The following ANK3 variants were observed in gnomAD, a reference collection of about 807,000 sequenced individuals.
The protein encoded by ANK3 is ankyrin-3.
In ANK3, 57 loss-of-function variants were observed where a neutral mutation model predicts 370.9. The observed-to-expected ratio is 0.15, with a 90% CI of 0.12 to 0.19. The LOEUF is 0.19. Among genes scored for constraint, ANK3 ranks in the 10% least tolerant of loss-of-function variants. The probability of loss-of-function intolerance (pLI) is 1.00; values close to 1 mark genes in which losing one functional copy is unlikely to be tolerated. For synonymous variants in ANK3, 1,929 were observed against 1,946.3 expected (o/e 0.99, Z 0.23); for missense variants, 4,439 against 5,302.1 (o/e 0.84, Z 5.06).
intron 43 of ANK3, among the ~76,000 whole-genome samples, chr10:60,034,747 T>C (rs1405614673): frequency 6.6e-6 from 1 of 152,098 alleles, no homozygotes; most frequent in Non-Finnish European, 1.5e-5. Flanking sequence ...GACAAAGAGG[T>C]CTTTACTCTA....
chr10:60,585,296 G>A (rs2133285396), intron 2 of ANK3, among the ~76,000 whole-genome samples: 2 of 152,282 alleles, frequency 1.3e-5, no homozygotes, highest in South Asian at 4.1e-4. Flanking sequence ...GTGCCTGTAA[G>A]TTTTATGTAT....
chr10:60,069,493 A>G lies in ANK3; in HGVS notation c.11388T>C (p.Thr3796=), dbSNP rs1314361754. ...FNNNNNLDSS[T]IQTDNIMSNI... Reference sequence around the variant, plus strand: ...TACTCATAATGTTATCTGTCTGTATAGTGGAAGAATCCAAATTGTTGTTGT... The same window carrying G: ...TACTCATAATGTTATCTGTCTGTATGGTGGAAGAATCCAAATTGTTGTTGT... The change falls in exon 37 of 44, where the codon ACT becomes ACC. Residue 3796 remains threonine, a synonymous_variant. Coordinates refer to ENST00000280772, the MANE Select transcript of ANK3 (RefSeq NM_020987.5). The G allele has an allele frequency of 1.2e-6, 2 of 1,613,980 alleles. No individual in the cohort carries two copies. The highest frequency in any genetic ancestry group is 1.1e-5 in the South Asian group (1 of 91,034).
chr10:60,603,689 C>G (rs1051076445), intron 2 of ANK3, among the ~76,000 whole-genome samples: 3 of 152,120 alleles, frequency 2.0e-5, no homozygotes, highest in African/African-American at 7.2e-5. Context: ...TATCCAGTGG[C>G]TATGGAATTA....
intron 1 of ANK3, among the ~76,000 whole-genome samples, chr10:60,638,257 G>C (rs2078582092): frequency 6.6e-6 from 1 of 152,164 alleles, no homozygotes; most frequent in Admixed American, 6.5e-5. Context: ...ATCAGCCAGA[G>C]TGGAGAGACT....
intron 1 of ANK3, among the ~76,000 whole-genome samples, chr10:60,284,859 T>C (rs966106162): frequency 1.3e-5 from 2 of 151,980 alleles, no homozygotes; most frequent in African/African-American, 2.4e-5. Flanking sequence ...CTCTAATCTT[T>C]CCCCATTACC....
Position 60,070,744 on chromosome 10 carries a change from C to G in ANK3, c.10137G>C (p.Gln3379His). Residue 3379 changes from glutamine to histidine, a missense_variant, in exon 37 of 44, where the codon CAG becomes CAC. This residue lies in a region of ANK3 where 1,601 missense variants were observed against 1,731.7 expected (regional missense o/e 0.92). Coordinates refer to ENST00000280772, the MANE Select transcript of ANK3 (RefSeq NM_020987.5). The surrounding 1 kb of genome is among the most constrained non-coding windows in gnomAD (Gnocchi z 5.7). ...NEFGLGLDSP[Q>H]NEIAQNGNND... ...TGTTCCCATTCTGGGCAATTTCATTCTGAGGTGAATCAAGGCCAAGGCCAA... is the reference window on the plus strand; with the variant it reads ...TGTTCCCATTCTGGGCAATTTCATTGTGAGGTGAATCAAGGCCAAGGCCAA... The G allele has an allele frequency of 1.9e-6, 3 of 1,614,176 alleles. No individual in the cohort carries two copies. Among genetic ancestry groups the G allele is most frequent in the Non-Finnish European group, 2.5e-6 (3 of 1,180,024 alleles).
chr10:60,257,354 C>T (rs2097754822), intron 7 of ANK3, among the ~76,000 whole-genome samples: 1 of 152,186 alleles, frequency 6.6e-6, no homozygotes, highest in Non-Finnish European at 1.5e-5. Context: ...CTTTCCTACA[C>T]AACTAGATCA....
intron 1 of ANK3, among the ~76,000 whole-genome samples, chr10:60,655,616 G>A (rs563852989): frequency 4.6e-5 from 7 of 151,978 alleles, no homozygotes; most frequent in South Asian, 4.1e-4. Context: ...AAAATTTACA[G>A]TAAGCTAAGG....
At position 60,186,107 on chromosome 10, in the gene ANK3, G is replaced by T. The variant is rs1388103414; in HGVS notation, c.2085+608C>A. 7.2e-5 allele frequency among the ~76,000 whole-genome samples: 11 copies of T among 152,306 alleles called. No individual in the cohort carries two copies. The South Asian group carries it at 1.0e-3, about 14-fold the overall frequency. Reference sequence around the variant, plus strand: ...GAACTTAAAAACGGATGAGCAAGGAGCAGGACCCCAAACATGTTTGTGAAA... The same window carrying T: ...GAACTTAAAAACGGATGAGCAAGGATCAGGACCCCAAACATGTTTGTGAAA... On this transcript the variant is annotated intron_variant, in intron 17 of 43. Transcript: ENST00000280772.
intron 36 of ANK3, among the ~76,000 whole-genome samples, chr10:60,080,294 C>T (rs2084883545): frequency 6.6e-6 from 1 of 152,138 alleles, no homozygotes; most frequent in South Asian, 2.1e-4. Flanking sequence ...AAAAGTAATA[C>T]ATGTTTCTAA....
At chr10:60,397,212 A>C (rs545725342) in intron 2 of ANK3, among the ~76,000 whole-genome samples, 9 of 152,106 alleles carry the variant, frequency 5.9e-5, no homozygotes, top group Non-Finnish European at 1.0e-4. Flanking sequence ...AAAAAAAAAA[A>C]AAAACTAAAC....
At chr10:60,267,174 C>T (rs2097894635) in intron 5 of ANK3, among the ~76,000 whole-genome samples, 1 of 152,128 alleles carries the variant, frequency 6.6e-6, no homozygotes, top group African/African-American at 2.4e-5. Flanking sequence ...TAAAAACTTG[C>T]TATTTAAAGG....
chr10:60,397,590 A>G (rs568019923), intron 2 of ANK3, among the ~76,000 whole-genome samples: 1 of 152,302 alleles, frequency 6.6e-6, no homozygotes, highest in East Asian at 1.9e-4. Flanking sequence ...AGGGTTCCTG[A>G]GTAGATTTGG....
Position 60,478,946 on chromosome 10 carries a change from G to T in ANK3, c.96+136240C>A, listed in dbSNP as rs12247911. 2.6e-3 allele frequency among the ~76,000 whole-genome samples: 399 copies of T among 152,146 alleles called. 3 individuals are homozygous for T. Among genetic ancestry groups the T allele is most frequent in the African/African-American group, 8.9e-3 (370 of 41,528 alleles). ...ATGCTGTTCTTGGCATACGAACACG[G>T]TGGTTATTTTTATTGTCATTATTGT... is the stretch of plus-strand genomic sequence containing the variant. On this transcript the variant is annotated intron_variant, in intron 2 of 43. Coordinates refer to the ANK3 transcript ENST00000373827.
chr10:60,594,230 T>C (rs1421137375), intron 2 of ANK3, among the ~76,000 whole-genome samples: 1 of 152,196 alleles, frequency 6.6e-6, no homozygotes, highest in Non-Finnish European at 1.5e-5. Flanking sequence ...TCTTTCCCTA[T>C]AATCCTCTCA....
chr10:60,363,436 T>C (rs890462204), intron 1 of ANK3, among the ~76,000 whole-genome samples: 7 of 152,142 alleles, frequency 4.6e-5, no homozygotes, highest in African/African-American at 1.2e-4. Flanking sequence ...ACCACTTGTA[T>C]CTGGATAGAG....
intron 38 of ANK3, among the ~76,000 whole-genome samples, chr10:60,065,255 G>T (rs982800329): frequency 3.6e-4 from 55 of 152,192 alleles, no homozygotes; most frequent in Admixed American, 9.8e-4. Flanking sequence ...AGATACATAT[G>T]ATCTCACTAT....
chr10:60,026,539 C>T lies in ANK3; in HGVS notation c.*3307G>A, dbSNP rs2131818962. ...TTATTTCTGGGCTTCTCACATATCCCTGTCATACAGCCAAACGTGAGCTGA... is the reference window on the plus strand; with the variant it reads ...TTATTTCTGGGCTTCTCACATATCCTTGTCATACAGCCAAACGTGAGCTGA... On this transcript the variant is annotated 3_prime_UTR_variant, in exon 44 of 44. Transcript: ENST00000280772. The T allele has an allele frequency of 6.6e-6, 1 of 152,312 alleles. No individual in the cohort carries two copies. 9.4% of individuals were successfully genotyped at this position (152,312 alleles called of 1,614,324 possible).
In ANK3 at chr10:60,059,343, T is replaced by TC; in HGVS notation, c.12682dup (p.Asp4228GlyfsTer4). On this transcript the variant is annotated frameshift_variant, in exon 41 of 44. Transcript: ENST00000280772. LOFTEE classifies it high-confidence loss of function. ...CCTTTTTTTGAAACAGCCATACCTG[T>TC]CATCCAGTCGATCTAGTAACCCACC... 6.2e-7 allele frequency: 1 copy of TC among 1,613,856 alleles called. No individual in the cohort carries two copies.
Sources: gnomAD v4.1 joint callset for allele counts (sites outside exome capture counted in the v4.1 genomes callset) on GRCh38, gnomAD v4.1.1 for gene constraint, gnomAD v4.1.1 regional missense constraint, Gnocchi (gnomAD v3.1) non-coding constraint, MANE v1.5 for transcripts, NCBI Gene and HGNC (gene_info 2026-07-23, HGNC 2026-07-21) for gene names.